Variants in ATP11C observed in about 807,000 individuals in gnomAD.
ATP11C encodes phospholipid-transporting ATPase IG.
ATP11C carries 36 observed loss-of-function variants against 97.4 expected under a neutral mutation model. The ratio of observed to expected loss-of-function variants is 0.37; its 90% CI spans 0.28 to 0.49. ATP11C has a LOEUF of 0.49. Ranked by LOEUF, ATP11C falls within the 20% of genes least tolerant of loss-of-function variation. ATP11C has a pLI of 0.98. For missense variants in ATP11C, 730 were observed against 824.6 expected, an observed-to-expected ratio of 0.89 and a Z score of 1.40; for synonymous variants, 275 against 290.9, an observed-to-expected ratio of 0.95 and a Z score of 0.56.
At chrX:139,874,016 C>G (rs2084422431) in intron 1 of ATP11C, among the ~76,000 whole-genome samples, 1 of 106,319 alleles carries the variant, frequency 9.4e-6, no homozygotes, top group African/African-American at 3.5e-5. Flanking sequence ...CCTCAGTTTC[C>G]TTATTTACAG....
intron 2 of ATP11C, among the ~76,000 whole-genome samples, chrX:139,825,739 T>C (rs1281153928): frequency 1.8e-5 from 2 of 112,505 alleles, no homozygotes; most frequent in Non-Finnish European, 3.8e-5. Flanking sequence ...ATTTTGTGTT[T>C]CAGTTTCTAA....
intron 1 of ATP11C, among the ~76,000 whole-genome samples, chrX:139,901,205 T>A (rs760280724): frequency 9.0e-6 from 1 of 111,617 alleles, no homozygotes; most frequent in Non-Finnish European, 1.9e-5. Flanking sequence ...AAATGAAGCA[T>A]GGCCCTGTGG....
At chrX:139,899,626 C>A (rs2497281) in intron 1 of ATP11C, among the ~76,000 whole-genome samples, 30,081 of 110,092 alleles carry the variant, frequency 0.27, 6,451 homozygotes, top group African/African-American at 0.71. Context: ...GACAAATTAC[C>A]CATTACTACT....
intron 5 of ATP11C, among the ~76,000 whole-genome samples, chrX:139,813,505 C>G (rs1042376829): frequency 6.2e-5 from 7 of 112,114 alleles, no homozygotes; most frequent in Non-Finnish European, 9.4e-5. Flanking sequence ...ATTGCCAAAA[C>G]TCGGAGGCAA....
At chrX:139,806,036 T>C (rs2083034616) in intron 5 of ATP11C, among the ~76,000 whole-genome samples, 1 of 112,187 alleles carries the variant, frequency 8.9e-6, no homozygotes, top group African/African-American at 3.2e-5. Context: ...AAGAAGGAGA[T>C]ACCCATTAGA....
At chrX:139,775,347 A>C (rs1318515478) in intron 18 of ATP11C, among the ~76,000 whole-genome samples, 2 of 112,601 alleles carry the variant, frequency 1.8e-5, no homozygotes, top group African/African-American at 6.5e-5. Context: ...CAAACATTCT[A>C]ATCAGATGAT....
At chrX:139,835,887 C>CGTG (rs1490423609) in intron 1 of ATP11C, among the ~76,000 whole-genome samples, 8 of 105,685 alleles carry the variant, frequency 7.6e-5, no homozygotes, top group Admixed American at 6.1e-4. Flanking sequence ...ATTAGCCAGG[C>CGTG]GTGGTGGTAC....
intron 1 of ATP11C, among the ~76,000 whole-genome samples, chrX:139,886,319 G>A (rs2084640409): frequency 9.0e-6 from 1 of 110,918 alleles, no homozygotes; most frequent in South Asian, 3.8e-4. Flanking sequence ...GGCCAGGCGC[G>A]GTGGCTTATG....
At position 139,751,223 on chromosome X, in the gene ATP11C, C is replaced by T. The variant is rs149473157; in HGVS notation, c.2701-1071G>A. Among the ~76,000 whole-genome samples, 529 of 111,822 alleles carry T rather than the reference C, an allele frequency of 4.7e-3. 5 individuals are homozygous for T. The highest frequency in any genetic ancestry group is 0.016 in the African/African-American group (490 of 30,780). On this transcript the variant is annotated intron_variant, in intron 23 of 29. Transcript: ENST00000682941. ...ACAAGTACTAGGGACAGAGACGATT[C>T]CTCCCCTATCCACCAGGGAGTTCAA...
At chrX:139,910,808 G>T (rs112073744) in intron 1 of ATP11C, among the ~76,000 whole-genome samples, 2 of 108,561 alleles carry the variant, frequency 1.8e-5, no homozygotes, top group African/African-American at 3.4e-5. Flanking sequence ...TTTGCCTAAC[G>T]TTACAGATAC....
At chrX:139,891,081 G>A (rs1174793520) in intron 1 of ATP11C, among the ~76,000 whole-genome samples, 2 of 108,663 alleles carry the variant, frequency 1.8e-5, no homozygotes, top group Non-Finnish European at 3.8e-5. Flanking sequence ...GTTATGCCAA[G>A]AAGTTAGATA....
intron 1 of ATP11C, among the ~76,000 whole-genome samples, chrX:139,839,009 T>C (rs1484930004): frequency 9.0e-6 from 1 of 111,589 alleles, no homozygotes; most frequent in East Asian, 2.8e-4. Context: ...AAACACAATG[T>C]GGTATATCCA....
chrX:139,772,347 A>G (rs2082270682), intron 19 of ATP11C, among the ~76,000 whole-genome samples: 1 of 111,933 alleles, frequency 8.9e-6, no homozygotes, highest in Non-Finnish European at 1.9e-5. Flanking sequence ...CTCATGGAGA[A>G]CCTCTGCTTG....
intron 1 of ATP11C, among the ~76,000 whole-genome samples, chrX:139,879,305 G>GGT (rs2084525861): frequency 9.2e-6 from 1 of 108,749 alleles, no homozygotes; most frequent in Non-Finnish European, 1.9e-5. Flanking sequence ...AAGAAAATGT[G>GGT]GTATATATTA....
At chrX:139,863,762 A>C (rs1460800360) in intron 1 of ATP11C, among the ~76,000 whole-genome samples, 1 of 111,305 alleles carries the variant, frequency 9.0e-6, no homozygotes, top group East Asian at 2.8e-4. Context: ...AATATTTTTT[A>C]AGAATCAAGT....
At chrX:139,910,808 G>A (rs112073744) in intron 1 of ATP11C, among the ~76,000 whole-genome samples, 29 of 108,596 alleles carry the variant, frequency 2.7e-4, no homozygotes, top group African/African-American at 9.4e-4. Flanking sequence ...TTTGCCTAAC[G>A]TTACAGATAC....
At chrX:139,897,789 C>T (rs1043936530) in intron 1 of ATP11C, among the ~76,000 whole-genome samples, 2 of 110,465 alleles carry the variant, frequency 1.8e-5, no homozygotes, top group African/African-American at 6.6e-5. Context: ...GACATTTAGC[C>T]AGGCGTGGTG....
intron 23 of ATP11C, among the ~76,000 whole-genome samples, chrX:139,750,485 G>T (rs2081790590): frequency 8.9e-6 from 1 of 112,021 alleles, no homozygotes; most frequent in Admixed American, 9.5e-5. Context: ...CTTCAGCAAA[G>T]ACCATTAAGT....
At chrX:139,862,470 G>T (rs376909549) in intron 1 of ATP11C, among the ~76,000 whole-genome samples, 6 of 111,521 alleles carry the variant, frequency 5.4e-5, no homozygotes, top group African/African-American at 2.0e-4. Context: ...CAGAAAGATG[G>T]TGTCAAAATT....
Sources: allele counts gnomAD v4.1 joint callset (sites outside exome capture counted in the v4.1 genomes callset), GRCh38; gene constraint gnomAD v4.1.1; transcripts MANE v1.5; gene names NCBI Gene and HGNC (gene_info 2026-07-23, HGNC 2026-07-21).